The following EVA1A variants were observed in gnomAD, a reference collection of about 807,000 sequenced individuals.
EVA1A encodes the protein protein eva-1 homolog A.
A neutral mutation model predicts 9.8 loss-of-function variants in EVA1A; 7 were observed. The ratio of observed to expected loss-of-function variants is 0.71; its 90% CI spans 0.41 to 1.34. The LOEUF is 1.34. Ranked by LOEUF, EVA1A falls within the 40% of genes most tolerant of loss-of-function variation. The probability of loss-of-function intolerance (pLI) is 0.01; values close to 1 mark genes in which losing one functional copy is unlikely to be tolerated. For missense variants in EVA1A, 206 were observed against 205.9 expected (o/e 1.00, Z 0.00); for synonymous variants, 90 against 85.6 (o/e 1.05, Z -0.28).
At chr2:75,534,520 GAACA>G (rs1164129535) in intron 1 of EVA1A, among the ~76,000 whole-genome samples, 7 of 135,092 alleles carry the variant, frequency 5.2e-5, no homozygotes, top group African/African-American at 1.7e-4. Flanking sequence ...GAAAACAGAG[GAACA>G]AACAAACAAA....
At chr2:75,504,467 T>C (rs1674540879) in intron 3 of EVA1A, among the ~76,000 whole-genome samples, 1 of 152,138 alleles carries the variant, frequency 6.6e-6, no homozygotes, top group Non-Finnish European at 1.5e-5. Context: ...CCCCACCCCA[T>C]TGGAAAGGGA....
chr2:75,540,741 C>T (rs1381966645), intron 1 of EVA1A: 1 of 152,044 alleles, frequency 6.6e-6, no homozygotes, highest in Admixed American at 6.5e-5. Flanking sequence ...TTCTGCAGTC[C>T]CCAAACTACA....
At chr2:75,560,442 G>A (rs1676882616) in intron 1 of EVA1A, among the ~76,000 whole-genome samples, 1 of 152,184 alleles carries the variant, frequency 6.6e-6, no homozygotes, top group African/African-American at 2.4e-5. Context: ...AGCAGGGGGG[G>A]CGAGAGAAGA....
intron 2 of EVA1A, among the ~76,000 whole-genome samples, chr2:75,520,360 G>C (rs1675191515): frequency 6.6e-6 from 1 of 152,108 alleles, no homozygotes; most frequent in Non-Finnish European, 1.5e-5. Flanking sequence ...AATTCATATG[G>C]AATCTCAGGG....
chr2:75,543,294 T>C (rs4852381), intron 1 of EVA1A, among the ~76,000 whole-genome samples: 39,592 of 151,998 alleles, frequency 0.26, 5,586 homozygotes, highest in African/African-American at 0.36. Flanking sequence ...TCAGTGGGGC[T>C]TCCCAAACCC....
upstream of EVA1A, among the ~76,000 whole-genome samples, chr2:75,562,280 G>A (rs562396368): frequency 1.3e-5 from 2 of 152,246 alleles, no homozygotes; most frequent in East Asian, 3.9e-4. Flanking sequence ...GGTGGCCCCA[G>A]CTCCACCCTC....
At position 75,522,486 on chromosome 2, in the gene EVA1A, C is replaced by T. The variant is rs1301421430; in HGVS notation, c.-190G>A. On this transcript the variant is annotated splice_region_variant and 5_prime_UTR_variant, in exon 2 of 4. Coordinates refer to ENST00000393913, the MANE Select transcript of EVA1A (RefSeq NM_001135032.2). ...GTTTGGCCCCAGTTGGCTTCTCAGA[C>T]TCTGAAAGAAAAAAGAAGCAGCACA... The T allele has an allele frequency of 3.9e-5, 6 of 152,374 alleles. No homozygotes were observed. The East Asian group carries it at 1.2e-3, about 29-fold the overall frequency. 9.4% of individuals were successfully genotyped at this position (152,374 alleles called of 1,614,324 possible).
intron 3 of EVA1A, among the ~76,000 whole-genome samples, chr2:75,499,389 T>C (rs925767764): frequency 6.6e-6 from 1 of 152,084 alleles, no homozygotes; most frequent in South Asian, 2.1e-4. Flanking sequence ...GAGTGCAGAA[T>C]TGGAGAAAAG....
chr2:75,518,288 G>C (rs1317421508), intron 2 of EVA1A, 80 bp from the exon 3 acceptor site: 9 of 1,398,012 alleles, frequency 6.4e-6, no homozygotes, highest in Non-Finnish European at 8.5e-6. Context: ...GACTCCTAAA[G>C]ACATATTTTT....
At chr2:75,523,690 AC>A (rs1185771412) in intron 1 of EVA1A, among the ~76,000 whole-genome samples, 1 of 152,152 alleles carries the variant, frequency 6.6e-6, no homozygotes. Flanking sequence ...GAAAGGTTTT[AC>A]CTCTGAATAC....
intron 1 of EVA1A, among the ~76,000 whole-genome samples, chr2:75,525,626 C>T (rs550529546): frequency 6.6e-6 from 1 of 152,320 alleles, no homozygotes; most frequent in East Asian, 1.9e-4. Flanking sequence ...AATTCTGTCT[C>T]AATGATGGGA....
chr2:75,507,793 A>G lies in EVA1A; in HGVS notation c.85+10263T>C, dbSNP rs556566595. ...CTCATCCCTCCCTCCTGAAAAGTCT[A>G]TACCTGCTGATCAGAGCCTCACACC... On this transcript the variant is annotated intron_variant, in intron 3 of 3. Transcript: ENST00000393913. Among the ~76,000 whole-genome samples the G allele has an allele frequency of 9.2e-5, 14 of 152,266 alleles. No individual in the cohort carries two copies. In the South Asian group the frequency reaches 1.2e-3, roughly 14 times the overall value.
intron 1 of EVA1A, among the ~76,000 whole-genome samples, chr2:75,531,378 G>C (rs959310582): frequency 1.3e-5 from 2 of 152,160 alleles, no homozygotes; most frequent in Non-Finnish European, 2.9e-5. Flanking sequence ...TCTGCCATTT[G>C]ATCCAGCAAC....
At position 75,509,960 on chromosome 2, in the gene EVA1A, C is replaced by T. The variant is rs79793290; in HGVS notation, c.85+8096G>A. Among the ~76,000 whole-genome samples, 10 of 152,110 alleles carry T rather than the reference C, an allele frequency of 6.6e-5. No individual in the cohort carries two copies. The East Asian group carries it at 1.9e-3, about 29-fold the overall frequency. On this transcript the variant is annotated intron_variant, in intron 3 of 3. Coordinates refer to ENST00000393913, the MANE Select transcript of EVA1A (RefSeq NM_001135032.2). ...GAAATGGTTTGAAATATAGATTAAA[C>T]AAAAACAGCATATGACTAGTAGATG...
chr2:75,523,847 G>A (rs936402688), intron 1 of EVA1A, among the ~76,000 whole-genome samples: 2 of 152,090 alleles, frequency 1.3e-5, no homozygotes, highest in East Asian at 1.9e-4. Context: ...CTCTCCAATC[G>A]GAACCTCTAT....
chr2:75,565,460 A>T (rs1677008351), upstream of EVA1A, among the ~76,000 whole-genome samples: 1 of 152,176 alleles, frequency 6.6e-6, no homozygotes, highest in African/African-American at 2.4e-5. Context: ...GTATTAAGAC[A>T]ATGTCAAACA....
At chr2:75,525,530 C>T (rs1572966669) in intron 1 of EVA1A, among the ~76,000 whole-genome samples, 1 of 152,206 alleles carries the variant, frequency 6.6e-6, no homozygotes, top group Non-Finnish European at 1.5e-5. Context: ...ACTATGAGCT[C>T]CTGGCTGTTG....
At chr2:75,516,632 C>T (rs1675014347) in intron 3 of EVA1A, among the ~76,000 whole-genome samples, 1 of 152,206 alleles carries the variant, frequency 6.6e-6, no homozygotes, top group Non-Finnish European at 1.5e-5. Flanking sequence ...CCAGGTACCT[C>T]CTGTGCTGAT....
intron 1 of EVA1A, among the ~76,000 whole-genome samples, chr2:75,550,126 T>C (rs1676471537): frequency 6.6e-6 from 1 of 152,170 alleles, no homozygotes; most frequent in Non-Finnish European, 1.5e-5. Flanking sequence ...ATGCAGTCTC[T>C]AAACCTGGTA....
Sources: gnomAD v4.1 joint callset for allele counts (sites outside exome capture counted in the v4.1 genomes callset) on GRCh38, gnomAD v4.1.1 for gene constraint, MANE v1.5 for transcripts, NCBI Gene and HGNC (gene_info 2026-07-23, HGNC 2026-07-21) for gene names.